Variants in FADS2 observed in about 807,000 individuals in gnomAD.
The protein encoded by FADS2 is acyl-CoA 6-desaturase.
A neutral mutation model predicts 61.2 loss-of-function variants in FADS2; 18 were observed. That is an observed-to-expected ratio of 0.29 (90% CI 0.20 to 0.44). The LOEUF (loss-of-function observed/expected upper bound fraction) is 0.44. Among genes scored for constraint, FADS2 ranks in the 20% least tolerant of loss-of-function variants. FADS2 has a pLI of 1.00. For synonymous variants in FADS2, 203 were observed against 223.9 expected (o/e 0.91, Z 0.83); for missense variants, 322 against 572.7 (o/e 0.56, Z 4.47).
intron 7 of FADS2, chr11:61,862,162 AC>A (rs2067423106): frequency 7.1e-6 from 1 of 141,528 alleles, no homozygotes; most frequent in African/African-American, 2.7e-5. Context: ...CAGGTTCTTA[AC>A]CCCATGAGGC....
At chr11:61,842,595 T>C (rs557461674) in intron 4 of FADS2, among the ~76,000 whole-genome samples, 2 of 152,142 alleles carry the variant, frequency 1.3e-5, no homozygotes, top group African/African-American at 4.8e-5. Context: ...CTGGTCTCCA[T>C]GTAGAACGTG....
Position 61,837,985 on chromosome 11 carries a change from G to A in FADS2, c.318+97G>A. 3.6e-6 allele frequency: 3 copies of A among 831,996 alleles called. No homozygotes were observed. The South Asian group carries it at 4.5e-5, about 12-fold the overall frequency. 51.5% of individuals were successfully genotyped at this position (831,996 alleles called of 1,614,324 possible). ...CCCTTGCCCCATGACCAGTAACTGG[G>A]GCTGAGGCAGGGGTGCTTTTGTCCT... On this transcript the variant is annotated intron_variant, in intron 2 of 11. Transcript: ENST00000278840.
chr11:61,853,263 C>A (rs1392464370), intron 5 of FADS2, among the ~76,000 whole-genome samples: 1 of 116,814 alleles, frequency 8.6e-6, no homozygotes, highest in Non-Finnish European at 1.6e-5. Flanking sequence ...CTTTCTTTCT[C>A]TCCCTCCCTC....
intron 5 of FADS2, among the ~76,000 whole-genome samples, chr11:61,851,240 T>A (rs2067304339): frequency 6.6e-6 from 1 of 152,208 alleles, no homozygotes; most frequent in African/African-American, 2.4e-5. Flanking sequence ...AGATGTTCTC[T>A]GTGTCTCCAA....
At chr11:61,832,253 G>A (rs1436145785) in intron 1 of FADS2, among the ~76,000 whole-genome samples, 1 of 152,248 alleles carries the variant, frequency 6.6e-6, no homozygotes, top group East Asian at 1.9e-4. Context: ...TGTTATTCTT[G>A]TGAAAACGCA....
chr11:61,852,832 A>G (rs2067318968), intron 5 of FADS2, among the ~76,000 whole-genome samples: 1 of 152,076 alleles, frequency 6.6e-6, no homozygotes, highest in Admixed American at 6.6e-5. Flanking sequence ...TTTCCTGGGT[A>G]GATGATCATA....
chr11:61,839,211 G>A (rs174581), intron 2 of FADS2, among the ~76,000 whole-genome samples: 57,672 of 151,946 alleles, frequency 0.38, 11,641 homozygotes, highest in East Asian at 0.56. Context: ...GCCCTCCTGC[G>A]CTAGTTTGTG....
At position 61,863,002 on chromosome 11, in the gene FADS2, C is replaced by T. The variant is rs1234313827; in HGVS notation, c.913C>T (p.Arg305Trp). The stretch of plus-strand genomic sequence containing the variant: ...GGCCTGGGCCGTCAGCTACTACATC[C>T]GGTTCTTCATCACCTACATCCCTTT... ...DLAWAVSYYI[R>W]FFITYIPFYG... The change falls in exon 8 of 12, where the codon CGG becomes TGG. Residue 305 changes from arginine to tryptophan, a missense_variant. This residue lies in a region of FADS2 where 221 missense variants were observed against 427.9 expected (regional missense o/e 0.52). Coordinates refer to ENST00000278840, the MANE Select transcript of FADS2 (RefSeq NM_004265.4). 3 of 1,614,224 alleles carry T rather than the reference C, an allele frequency of 1.9e-6. No individual in the cohort carries two copies. The highest frequency in any genetic ancestry group is 2.2e-5 in the South Asian group (2 of 91,090).
At chr11:61,863,826 G>A (rs375494327) in intron 10 of FADS2, 40 bp downstream of exon 10, 66 of 1,522,626 alleles carry the variant, frequency 4.3e-5, no homozygotes, top group Non-Finnish European at 5.4e-5. Flanking sequence ...GACCCACAGC[G>A]GGAGGGAAGT....
intron 1 of FADS2, among the ~76,000 whole-genome samples, chr11:61,822,869 A>G (rs547203241): frequency 3.9e-5 from 6 of 152,130 alleles, no homozygotes; most frequent in African/African-American, 1.2e-4. Flanking sequence ...CGCTTGTATA[A>G]ATGTTGCGAT....
At chr11:61,840,567 G>A (rs1302110971) in intron 3 of FADS2, 36 bp downstream of exon 3, 4 of 1,613,534 alleles carry the variant, frequency 2.5e-6, no homozygotes, top group Non-Finnish European at 3.4e-6. Flanking sequence ...CTAGCTGACA[G>A]AGGCCTGGTG....
chr11:61,857,942 C>T (rs1490501171), intron 7 of FADS2, among the ~76,000 whole-genome samples: 2 of 152,202 alleles, frequency 1.3e-5, no homozygotes, highest in African/African-American at 4.8e-5. Context: ...TTTGCGAAGA[C>T]CGTATGACAA....
intron 1 of FADS2, among the ~76,000 whole-genome samples, chr11:61,830,283 G>T (rs988092241): frequency 6.6e-6 from 1 of 152,234 alleles, no homozygotes; most frequent in Admixed American, 6.5e-5. Flanking sequence ...AGAAGGAAAA[G>T]TCAAATACGA....
intron 9 of FADS2, 100 bp from the exon 10 acceptor site, chr11:61,863,607 G>A (rs1317523009): frequency 1.2e-5 from 12 of 998,910 alleles, no homozygotes; most frequent in Admixed American, 2.0e-5. Flanking sequence ...TGATGTGGAC[G>A]GGTGGCCTGG....
intron 7 of FADS2, among the ~76,000 whole-genome samples, chr11:61,857,839 C>T (rs886995573): frequency 1.3e-5 from 2 of 152,152 alleles, no homozygotes; most frequent in Non-Finnish European, 2.9e-5. Flanking sequence ...TTCCCCGCTC[C>T]CTGTGGGCCC....
chr11:61,832,202 G>A (rs765026451), intron 1 of FADS2, among the ~76,000 whole-genome samples: 1 of 152,192 alleles, frequency 6.6e-6, no homozygotes, highest in Non-Finnish European at 1.5e-5. Flanking sequence ...GGGAAGGTGA[G>A]AAGAGACCAG....
chr11:61,839,423 A>T (rs2067200608), intron 2 of FADS2, among the ~76,000 whole-genome samples: 1 of 151,816 alleles, frequency 6.6e-6, no homozygotes, highest in Non-Finnish European at 1.5e-5. Flanking sequence ...TCCAGGTTCA[A>T]GCAGTTCTCC....
intron 1 of FADS2, among the ~76,000 whole-genome samples, chr11:61,833,372 C>T (rs1202283433): frequency 1.3e-5 from 2 of 152,170 alleles, no homozygotes; most frequent in Non-Finnish European, 1.5e-5. Flanking sequence ...TTCTGTAACC[C>T]GGCAGGTGCT....
chr11:61,863,727 G>A lies in FADS2; in HGVS notation c.1098G>A (p.Val366=). 6.2e-7 allele frequency: 1 copy of A among 1,614,156 alleles called. No individual in the cohort carries two copies. Among genetic ancestry groups the A allele is most frequent in the Non-Finnish European group, 8.5e-7 (1 of 1,179,972 alleles). Residue 366 remains valine (V), a synonymous_variant, in exon 10 of 12, where the codon GTG becomes GTA. Transcript: ENST00000278840. ...FSSQLTATCN[V]EQSFFNDWFS... is the part of the protein sequence containing the mutation. ...GACAGCTGACAGCCACCTGCAACGT[G>A]GAGCAGTCCTTCTTCAACGACTGGT... is the stretch of plus-strand genomic sequence containing the variant.
Sources: gnomAD v4.1 joint callset for allele counts (sites outside exome capture counted in the v4.1 genomes callset) on GRCh38, gnomAD v4.1.1 for gene constraint, gnomAD v4.1.1 regional missense constraint, MANE v1.5 for transcripts, NCBI Gene and HGNC (gene_info 2026-07-23, HGNC 2026-07-21) for gene names.